The following DNAH9 variants were observed in gnomAD, a reference collection of about 807,000 sequenced individuals.
DNAH9 encodes the protein dynein axonemal heavy chain 9.
Under a neutral mutation model 471.6 loss-of-function variants are expected in DNAH9, and 345 were observed. That is an observed-to-expected ratio of 0.73 (90% CI 0.67 to 0.80). The LOEUF (loss-of-function observed/expected upper bound fraction) is 0.80, where lower values mean the gene tolerates loss of function less well. Among genes scored for constraint, DNAH9 ranks in the 30% least tolerant of loss-of-function variants. The probability of loss-of-function intolerance (pLI) is 0.00; values close to 1 mark genes in which losing one functional copy is unlikely to be tolerated. For synonymous variants in DNAH9, 2,093 were observed against 2,123.6 expected (o/e 0.99, Z 0.40); for missense variants, 5,407 against 5,609.2 (o/e 0.96, Z 1.15).
At chr17:11,701,493 G>A (rs182906398) in intron 24 of DNAH9, among the ~76,000 whole-genome samples, 1 of 152,302 alleles carries the variant, frequency 6.6e-6, no homozygotes, top group Admixed American at 6.5e-5. Flanking sequence ...CTACAGAAGG[G>A]AGAAAATGTC....
At position 11,598,712 on chromosome 17, in the gene DNAH9, C is replaced by T. The variant is rs866463938; in HGVS notation, c.214C>T (p.Leu72=). ...RDAAEGPRPL[L]VVRPGPRGLA... ...TGCTGCCGAGGGGCCGCGGCCGCTG[C>T]TGGTGGTGCGGCCCGGGCCCAGGGG... The change falls in exon 1 of 69, where the codon CTG becomes TTG. Residue 72 remains leucine (L), a synonymous_variant. Coordinates refer to ENST00000262442, the MANE Select transcript of DNAH9 (RefSeq NM_001372.4). The T allele has an allele frequency of 1.5e-5, 21 of 1,376,478 alleles. 1 individual carries two copies. The highest frequency in any genetic ancestry group is 2.5e-4 in the Middle Eastern group (1 of 3,970). The allele number at this position is 1,376,478 out of a possible 1,614,324, so 85.3% of individuals were successfully genotyped here.
At chr17:11,791,712 C>T (rs1004280746) in intron 41 of DNAH9, among the ~76,000 whole-genome samples, 1 of 151,922 alleles carries the variant, frequency 6.6e-6, no homozygotes, top group African/African-American at 2.4e-5. Context: ...GACTCTGTCA[C>T]AAAAATAATA....
At chr17:11,785,934 G>C (rs150896530) in intron 41 of DNAH9, among the ~76,000 whole-genome samples, 2 of 152,192 alleles carry the variant, frequency 1.3e-5, no homozygotes, top group South Asian at 4.1e-4. Flanking sequence ...GCAGGCCTCA[G>C]GACTGGACAG....
At chr17:11,856,175 C>A (rs1971619723) in intron 50 of DNAH9, among the ~76,000 whole-genome samples, 2 of 152,172 alleles carry the variant, frequency 1.3e-5, no homozygotes, top group Admixed American at 1.3e-4. Context: ...CGGCTGTGAT[C>A]AAGTTCAATC....
At chr17:11,940,162 G>A (rs1400851379) in intron 66 of DNAH9, among the ~76,000 whole-genome samples, 1 of 152,210 alleles carries the variant, frequency 6.6e-6, no homozygotes, top group African/African-American at 2.4e-5. Flanking sequence ...GTGTTTGTCT[G>A]TGGAAATAAG....
chr17:11,652,732 CAATT>C, intron 13 of DNAH9, 25 bp from the exon 14 acceptor site: 1 of 1,607,094 alleles, frequency 6.2e-7, no homozygotes, highest in Non-Finnish European at 8.5e-7. Context: ...CAGGCTATTT[CAATT>C]AATTATGTTT....
chr17:11,920,589 CCA>C, intron 61 of DNAH9, among the ~76,000 whole-genome samples: 1 of 147,806 alleles, frequency 6.8e-6, no homozygotes, highest in Admixed American at 6.8e-5. Flanking sequence ...CCATTGCACT[CCA>C]GTCTGGGCGA....
At chr17:11,780,880 T>C (rs1968641636) in intron 38 of DNAH9, 129 bp from the exon 39 acceptor site, 4 of 927,048 alleles carry the variant, frequency 4.3e-6, no homozygotes, top group Non-Finnish European at 6.4e-6. Context: ...TTATTATTGT[T>C]GTCTTTCGCG....
At chr17:11,661,731 G>T (rs2073767376) in intron 14 of DNAH9, among the ~76,000 whole-genome samples, 1 of 151,858 alleles carries the variant, frequency 6.6e-6, no homozygotes, top group South Asian at 2.1e-4. Context: ...TACTGCTGTT[G>T]TGTGAGATAT....
Position 11,651,130 on chromosome 17 carries a change from A to C in DNAH9, c.2159A>C (p.Glu720Ala), listed in dbSNP as rs746274519. The part of the protein sequence containing the change: ...LEPREMKHMP[E>A]TAAAMFSSRD... ...CCCAGAGAGATGAAACACATGCCTGAGACAGCAGCAGCCATGTTCTCCTCC... is the reference window on the plus strand; with the variant it reads ...CCCAGAGAGATGAAACACATGCCTGCGACAGCAGCAGCCATGTTCTCCTCC... Residue 720 changes from glutamate to alanine, a missense_variant, in exon 13 of 69, where the codon GAG (glutamate) becomes GCG (alanine). Glu to Ala is a moderately radical substitution (Grantham distance 107). Around this residue, in one of 3 missense-constraint regions of DNAH9, gnomAD observed 4,636 missense variants for 4,900.3 expected, o/e 0.95. Transcript: ENST00000262442. 6.2e-6 allele frequency: 10 copies of C among 1,614,040 alleles called. No homozygotes were observed. Among genetic ancestry groups the C allele is most frequent in the Non-Finnish European group, 6.8e-6 (8 of 1,179,896 alleles).
At position 11,694,262 on chromosome 17, in the gene DNAH9, A is replaced by G. The variant is rs997019811; in HGVS notation, c.4746-59A>G. 1.5e-4 allele frequency: 231 copies of G among 1,569,588 alleles called. No individual in the cohort carries two copies. In the African/African-American group the frequency reaches 2.8e-3, roughly 19 times the overall value. On this transcript the variant is annotated intron_variant, in intron 21 of 68. Coordinates refer to ENST00000262442, the MANE Select transcript of DNAH9 (RefSeq NM_001372.4). ...GCATATACATACATTTAAGTAATGT[A>G]TGTGTATCCATGGGTCTAGACATTC...
chr17:11,882,475 A>G (rs959644397), intron 55 of DNAH9, among the ~76,000 whole-genome samples: 2 of 152,092 alleles, frequency 1.3e-5, no homozygotes, highest in African/African-American at 2.4e-5. Context: ...GTGGAATTCC[A>G]GTGCATGAGA....
At chr17:11,969,133 T>C (rs1375301060) in intron 68 of DNAH9, among the ~76,000 whole-genome samples, 167 bp from the exon 69 acceptor site, 1 of 152,090 alleles carries the variant, frequency 6.6e-6, no homozygotes, top group Non-Finnish European at 1.5e-5. Flanking sequence ...TTTCTACATA[T>C]CAGATGCATT....
intron 3 of DNAH9, among the ~76,000 whole-genome samples, chr17:11,610,902 A>T (rs1187153227): frequency 6.6e-6 from 1 of 152,174 alleles, no homozygotes; most frequent in African/African-American, 2.4e-5. Context: ...AGCTGAGGCC[A>T]CATGCACACA....
chr17:11,866,936 G>A (rs995542163), intron 50 of DNAH9, among the ~76,000 whole-genome samples: 1 of 152,232 alleles, frequency 6.6e-6, no homozygotes, highest in African/African-American at 2.4e-5. Flanking sequence ...CCGTTTCTTT[G>A]ACTAGGAAAG....
chr17:11,669,721 G>T lies in DNAH9; in HGVS notation c.3280G>T (p.Ala1094Ser). 6.2e-7 allele frequency: 1 copy of T among 1,614,136 alleles called. No homozygotes were observed. The highest frequency in any genetic ancestry group is 8.5e-7 in the Non-Finnish European group (1 of 1,179,996). ...GAAAATTGATATTCGACCCTTTAAG[G>T]CATCTCTGCTGAATATTATTAAGAG... ...WMKIDIRPFK[A>S]SLLNIIKRWS... is the part of the protein sequence containing the mutation. Residue 1094 changes from alanine to serine, a missense_variant, in exon 17 of 69, where the codon GCA becomes TCA. Physicochemically the swap from Ala to Ser is moderately conservative, Grantham distance 99 (BLOSUM62 1). Around this residue, in one of 3 missense-constraint regions of DNAH9, gnomAD observed 4,636 missense variants for 4,900.3 expected, o/e 0.95. Transcript: ENST00000262442.
At chr17:11,952,836 C>T (rs1449840875) in intron 67 of DNAH9, among the ~76,000 whole-genome samples, 4 of 152,094 alleles carry the variant, frequency 2.6e-5, no homozygotes, top group African/African-American at 7.2e-5. Context: ...ATACCGTAGA[C>T]GGTGTGGCTT....
rs1972271233 is a variant in DNAH9, at chr17:11,871,741, G to A, written c.10197G>A (p.Gln3399=). 3.7e-6 allele frequency: 6 copies of A among 1,614,214 alleles called. No individual in the cohort carries two copies. The highest frequency in any genetic ancestry group is 2.2e-5 in the East Asian group (1 of 44,886). The change falls in exon 52 of 69, where the codon CAG becomes CAA. Residue 3399 remains glutamine (Q), a synonymous_variant. Coordinates refer to ENST00000262442, the MANE Select transcript of DNAH9 (RefSeq NM_001372.4). Reference sequence around the variant, plus strand: ...GCTTCTTCACAAAGAAATACCGGCAGAGCCTCCTGGACAGAACTTGGAGGC... The same window carrying A: ...GCTTCTTCACAAAGAAATACCGGCAAAGCCTCCTGGACAGAACTTGGAGGC... ...YLGFFTKKYR[Q]SLLDRTWRPY... is the part of the protein sequence containing the mutation.
At chr17:11,934,863 A>G (rs992040245) in intron 65 of DNAH9, among the ~76,000 whole-genome samples, 1 of 152,184 alleles carries the variant, frequency 6.6e-6, no homozygotes, top group Non-Finnish European at 1.5e-5. Flanking sequence ...TCTTGTGCCA[A>G]GATCACTCAG....
Sources: allele counts gnomAD v4.1 joint callset (sites outside exome capture counted in the v4.1 genomes callset), GRCh38; gene constraint gnomAD v4.1.1; regional missense constraint gnomAD v4.1.1; transcripts MANE v1.5; gene names NCBI Gene and HGNC (gene_info 2026-07-23, HGNC 2026-07-21).